The following DMXL1 variants were observed in gnomAD, a reference collection of about 807,000 sequenced individuals.
The protein encoded by DMXL1 is Dmx like 1.
In DMXL1, 99 loss-of-function variants were observed where a neutral mutation model predicts 319.2. The ratio of observed to expected loss-of-function variants is 0.31; its 90% confidence interval spans 0.26 to 0.37. The LOEUF is 0.37. DMXL1 is among the 10% of genes least tolerant of loss of function. The pLI is 1.00. For synonymous variants in DMXL1, 1,385 were observed against 1,235.2 expected, an observed-to-expected ratio of 1.12 and a Z score of -2.54; for missense variants, 3,745 against 3,595.6, an observed-to-expected ratio of 1.04 and a Z score of -1.06.
intron 13 of DMXL1, among the ~76,000 whole-genome samples, chr5:119,143,568 C>G (rs1767881291): frequency 6.6e-6 from 1 of 151,956 alleles, no homozygotes; most frequent in Admixed American, 6.6e-5. Context: ...AGATTGAAAT[C>G]AATTTTTCAC....
Position 119,149,183 on chromosome 5 carries a change from A to C in DMXL1, c.3356A>C (p.Tyr1119Ser). 1 of 1,613,888 alleles carries C rather than the reference A, an allele frequency of 6.2e-7. No individual in the cohort carries two copies. The highest frequency in any genetic ancestry group is 8.5e-7 in the Non-Finnish European group (1 of 1,179,828). The change falls in exon 18 of 44, where the codon TAT becomes TCT. Residue 1119 changes from tyrosine to serine, a missense_variant. Physicochemically the swap from Tyr to Ser is moderately radical, Grantham distance 144. Coordinates refer to ENST00000539542, the MANE Select transcript of DMXL1 (RefSeq NM_001290321.3). ...GISVDSNLVA[Y>S]NKQDMYLSSK... ...AGTGTTGATAGCAATTTAGTGGCCTATAATAAACAAGACATGTATTTATCT... is the reference window on the plus strand; with the variant it reads ...AGTGTTGATAGCAATTTAGTGGCCTCTAATAAACAAGACATGTATTTATCT...
At chr5:119,135,171 TA>T (rs1246610039) in intron 13 of DMXL1, among the ~76,000 whole-genome samples, 1 of 151,268 alleles carries the variant, frequency 6.6e-6, no homozygotes, top group Non-Finnish European at 1.5e-5. Context: ...GAAATGTATA[TA>T]TTTTGGGGGG....
At chr5:119,077,830 AATATATACGTGTGTGTGTGTGT>A (rs545880393) in intron 1 of DMXL1, among the ~76,000 whole-genome samples, 78 of 138,294 alleles carry the variant, frequency 5.6e-4, no homozygotes, top group South Asian at 3.8e-3. Flanking sequence ...GTACTTAAAA[AATATATACGTGTGTGTGTGTGT>A]ATATATACGT....
chr5:119,150,194 C>A lies in DMXL1; in HGVS notation c.4367C>A (p.Thr1456Asn). ...CAGACTCAACTTCTAATGACTGATA[C>A]TCATATGTTAGAGACAGATGAAGAA... The part of the protein sequence containing the change: ...LFQTQLLMTD[T>N]HMLETDEENT... Residue 1456 changes from threonine to asparagine, a missense_variant, in exon 18 of 44, where the codon ACT (threonine) becomes AAT (asparagine). By Grantham distance (65) the Thr-to-Asn change is moderately conservative. Transcript: ENST00000539542. 1.9e-6 allele frequency: 3 copies of A among 1,613,662 alleles called. No individual in the cohort carries two copies. Among genetic ancestry groups the A allele is most frequent in the Non-Finnish European group, 2.5e-6 (3 of 1,179,780 alleles).
rs149699868 is a variant in DMXL1, at chr5:119,121,049, C to G, written c.1012C>G (p.Gln338Glu). 3.1e-4 allele frequency: 506 copies of G among 1,613,718 alleles called. No homozygotes were observed. The highest frequency in any genetic ancestry group is 3.9e-4 in the Non-Finnish European group (465 of 1,179,964). Residue 338 changes from glutamine (Q) to glutamate (E), a missense_variant, in exon 9 of 44, where the codon CAG becomes GAG. By Grantham distance (29) the Gln-to-Glu change is conservative. Coordinates refer to ENST00000539542, the MANE Select transcript of DMXL1 (RefSeq NM_001290321.3). ...ACATACGGGATATCTACCACATCAGCAGGATCCTCATCATGTTCACAGGAA... is the reference window on the plus strand; with the variant it reads ...ACATACGGGATATCTACCACATCAGGAGGATCCTCATCATGTTCACAGGAA... The part of the protein sequence containing the change: ...VAHTGYLPHQ[Q>E]DPHHVHRNTP...
At chr5:119,131,030 C>T (rs1477202790) in intron 10 of DMXL1, among the ~76,000 whole-genome samples, 5 of 148,294 alleles carry the variant, frequency 3.4e-5, no homozygotes, top group African/African-American at 1.2e-4. Context: ...CAGTTGATAA[C>T]GGGACAATGG....
intron 3 of DMXL1, among the ~76,000 whole-genome samples, chr5:119,102,803 A>G (rs899454460): frequency 6.6e-6 from 1 of 152,176 alleles, no homozygotes; most frequent in African/African-American, 2.4e-5. Context: ...TCTAAAAATA[A>G]AAATAAAAGC....
intron 3 of DMXL1, among the ~76,000 whole-genome samples, chr5:119,104,783 C>G (rs1757973283): frequency 6.6e-6 from 1 of 152,110 alleles, no homozygotes; most frequent in Admixed American, 6.5e-5. Flanking sequence ...ATCTTTTATT[C>G]TGAATTTTCC....
In DMXL1 at chr5:119,090,444, A is replaced by C. The variant is rs550960988; in HGVS notation, c.88-7535A>C. Among the ~76,000 whole-genome samples the C allele has an allele frequency of 5.9e-5, 9 of 151,302 alleles. No individual in the cohort carries two copies. The South Asian group carries it at 1.3e-3, about 21-fold the overall frequency. ...TGTTACTTCTTTGGATAAGCTTTCT[A>C]CTTTCTCTTGTTCAAATCCCTCTTG... On this transcript the variant is annotated intron_variant, in intron 1 of 43. Coordinates refer to ENST00000539542, the MANE Select transcript of DMXL1 (RefSeq NM_001290321.3).
At chr5:119,145,877 A>G (rs1342944946) in intron 15 of DMXL1, among the ~76,000 whole-genome samples, 1 of 151,730 alleles carries the variant, frequency 6.6e-6, no homozygotes, top group African/African-American at 2.4e-5. Flanking sequence ...ATGTTTTACA[A>G]ATATTTTCAT....
chr5:119,078,988 A>C (rs1398727671), intron 1 of DMXL1, among the ~76,000 whole-genome samples: 1 of 152,140 alleles, frequency 6.6e-6, no homozygotes, highest in African/African-American at 2.4e-5. Flanking sequence ...ATGAAATTCC[A>C]CACACTTGAT....
chr5:119,239,881 T>A (rs1581501919), intron 41 of DMXL1, among the ~76,000 whole-genome samples: 1 of 146,168 alleles, frequency 6.8e-6, no homozygotes, highest in East Asian at 2.0e-4. Flanking sequence ...CGCTTGAACC[T>A]GGGAGGCAGA....
chr5:119,097,499 C>A (rs975036950), intron 1 of DMXL1, among the ~76,000 whole-genome samples: 1 of 152,004 alleles, frequency 6.6e-6, no homozygotes, highest in African/African-American at 2.4e-5. Flanking sequence ...GGGTGGATCA[C>A]GAGGTCAGGA....
intron 9 of DMXL1, among the ~76,000 whole-genome samples, chr5:119,125,619 C>T (rs1262002605): frequency 6.6e-6 from 1 of 152,116 alleles, no homozygotes; most frequent in East Asian, 1.9e-4. Flanking sequence ...GGCTGAAGTG[C>T]AATGGTGTGA....
intron 17 of DMXL1, among the ~76,000 whole-genome samples, chr5:119,148,526 A>G (rs961446213): frequency 5.3e-5 from 8 of 152,152 alleles, no homozygotes; most frequent in Admixed American, 5.2e-4. Context: ...TGATGTCATT[A>G]AAAGCCTCTT....
At position 119,164,490 on chromosome 5, in the gene DMXL1, T is replaced by C; in HGVS notation, c.4703-17T>C. The C allele has an allele frequency of 6.2e-7, 1 of 1,603,886 alleles. No homozygotes were observed. The highest frequency in any genetic ancestry group is 1.1e-5 in the South Asian group (1 of 89,770). ...TATTTATAATTCTTATAAACATCAT[T>C]TTTTACATTTCTTCAGGCCTGTCTA... On this transcript the variant is annotated splice_polypyrimidine_tract_variant and intron_variant, in intron 19 of 43. Coordinates refer to ENST00000539542, the MANE Select transcript of DMXL1 (RefSeq NM_001290321.3).
At chr5:119,091,577 G>A (rs1754807402) in intron 1 of DMXL1, among the ~76,000 whole-genome samples, 2 of 152,088 alleles carry the variant, frequency 1.3e-5, no homozygotes, top group Admixed American at 1.3e-4. Context: ...CTAGTCTTTG[G>A]CTTGTTTTGG....
chr5:119,187,460 CA>C (rs1255246407), intron 28 of DMXL1, among the ~76,000 whole-genome samples: 1 of 152,152 alleles, frequency 6.6e-6, no homozygotes, highest in Non-Finnish European at 1.5e-5. Context: ...AGGATTCAAG[CA>C]TAAAATTGCC....
Position 119,129,308 on chromosome 5 carries a change from G to A in DMXL1, c.1200G>A (p.Leu400=). The change falls in exon 10 of 44, where the codon CTG becomes CTA. Residue 400 remains leucine (L), a synonymous_variant. Transcript: ENST00000539542. ...FVVHWLNNKE[L]HFTLSMEVFL... ...TACACTGGCTAAACAATAAAGAACT[G>A]CATTTTACTTTGTCCATGGAAGTTT... 6.2e-7 allele frequency: 1 copy of A among 1,613,670 alleles called. No individual in the cohort carries two copies. Among genetic ancestry groups the A allele is most frequent in the South Asian group, 1.1e-5 (1 of 91,060 alleles).
Sources: allele counts gnomAD v4.1 joint callset (sites outside exome capture counted in the v4.1 genomes callset), GRCh38; gene constraint gnomAD v4.1.1; transcripts MANE v1.5; gene names NCBI Gene and HGNC (gene_info 2026-07-23, HGNC 2026-07-21).